CAAP1: variants seen among roughly 807,000 people sequenced by gnomAD.
CAAP1 encodes caspase activity and apoptosis inhibitor 1, also known as conserved anti-apoptotic protein.
A neutral mutation model predicts 34.0 loss-of-function variants in CAAP1; 20 were observed. That is an observed-to-expected ratio of 0.59 (90% CI 0.41 to 0.86). CAAP1 has a LOEUF of 0.86. Among genes scored for constraint, CAAP1 ranks in the 40% least tolerant of loss-of-function variants. The probability of loss-of-function intolerance (pLI) is 0.00; values close to 1 mark genes in which losing one functional copy is unlikely to be tolerated. For missense variants in CAAP1, 538 were observed against 450.5 expected (o/e 1.19, Z -1.76); for synonymous variants, 213 against 166.7 (o/e 1.28, Z -2.14).
chr9:26,850,211 T>C (rs1822714037), intron 5 of CAAP1, among the ~76,000 whole-genome samples: 1 of 152,246 alleles, frequency 6.6e-6, no homozygotes. Flanking sequence ...ACATTACCTG[T>C]TATATTTCTT....
chr9:26,847,733 GT>G (rs939187928), intron 5 of CAAP1, among the ~76,000 whole-genome samples: 33 of 148,394 alleles, frequency 2.2e-4, no homozygotes, highest in African/African-American at 4.7e-4. Context: ...TATTTATGGT[GT>G]TTTTTTTTCT....
At chr9:26,868,644 T>G (rs1183559374) in intron 4 of CAAP1, among the ~76,000 whole-genome samples, 2 of 152,158 alleles carry the variant, frequency 1.3e-5, no homozygotes, top group Non-Finnish European at 2.9e-5. Flanking sequence ...TTTTAAAAAG[T>G]TAATAAATCC....
At chr9:26,851,813 G>C (rs1030657079) in intron 5 of CAAP1, among the ~76,000 whole-genome samples, 1 of 152,072 alleles carries the variant, frequency 6.6e-6, no homozygotes, top group African/African-American at 2.4e-5. Flanking sequence ...TCCCCCTCAA[G>C]ATTTCTTGGA....
In CAAP1 at chr9:26,842,147, AAAAG is replaced by A; in HGVS notation, c.*150_*153del. ...TAATATAAAAGTAGTCAAAAAAATA[AAAAG>A]AAACAGCCACAGGTAATTTAGGGCT... On this transcript the variant is annotated 3_prime_UTR_variant, in exon 6 of 6. Coordinates refer to ENST00000333916, the MANE Select transcript of CAAP1 (RefSeq NM_024828.4). 1 of 582,996 alleles carries A rather than the reference AAAAG, an allele frequency of 1.7e-6. No homozygotes were observed. The allele number at this position is 582,996 out of a possible 1,614,324, so 36.1% of individuals were successfully genotyped here.
Position 26,859,941 on chromosome 9 carries a change from CT to C in CAAP1, c.739+1124del, listed in dbSNP as rs1253015031. Among the ~76,000 whole-genome samples, 12 of 152,218 alleles carry C rather than the reference CT, an allele frequency of 7.9e-5. No homozygotes were observed. The East Asian group carries it at 2.1e-3, about 27-fold the overall frequency. On this transcript the variant is annotated intron_variant, in intron 5 of 5. Coordinates refer to ENST00000333916, the MANE Select transcript of CAAP1 (RefSeq NM_024828.4). ...CAAATCACTAAATTCGCTGTCTAAC[CT>C]TTTTTTCCACTTTTTAAATTAAGCA...
chr9:26,881,669 G>T (rs1289847663), intron 4 of CAAP1, among the ~76,000 whole-genome samples: 1 of 152,178 alleles, frequency 6.6e-6, no homozygotes, highest in Non-Finnish European at 1.5e-5. Context: ...TTAGCAGTGT[G>T]AAAACAGACT....
rs549308597 is a variant in CAAP1 at position 26,880,834 on chromosome 9, C to T, written c.665+3976G>A. Among the ~76,000 whole-genome samples, 10 of 152,204 alleles carry T rather than the reference C, an allele frequency of 6.6e-5. No homozygotes were observed. The East Asian group carries it at 1.9e-3, about 29-fold the overall frequency. On this transcript the variant is annotated intron_variant, in intron 4 of 5. Transcript: ENST00000333916. ...GGGATTACAGGCACACATCACCATG[C>T]CTGGCTAATTTTTGTATTTTTAGTG... is the stretch of plus-strand genomic sequence containing the variant.
intron 5 of CAAP1, among the ~76,000 whole-genome samples, chr9:26,848,648 G>A (rs572721126): frequency 2.0e-5 from 3 of 152,294 alleles, no homozygotes; most frequent in South Asian, 2.1e-4. Context: ...CAGCTCTCAC[G>A]CACTGAGGTT....
At chr9:26,892,357 G>T (rs749096662) in intron 1 of CAAP1, 56 bp downstream of exon 1, 3 of 1,588,298 alleles carry the variant, frequency 1.9e-6, no homozygotes, top group South Asian at 2.3e-5. Context: ...CTGGAAGCCC[G>T]ACTTCTTCCG....
intron 5 of CAAP1, among the ~76,000 whole-genome samples, chr9:26,847,267 T>C (rs1428607524): frequency 1.6e-5 from 2 of 124,154 alleles, no homozygotes; most frequent in Non-Finnish European, 3.2e-5. Flanking sequence ...CAGGCTGGAG[T>C]GCAGTGGCGC....
chr9:26,884,075 T>C (rs1173412998), intron 4 of CAAP1, among the ~76,000 whole-genome samples: 1 of 152,212 alleles, frequency 6.6e-6, no homozygotes. Context: ...TTTTCTTTTA[T>C]ACTTTATCTT....
intron 1 of CAAP1, among the ~76,000 whole-genome samples, 158 bp from the exon 2 acceptor site, chr9:26,887,671 GTTTA>G (rs1453821987): frequency 6.6e-6 from 1 of 152,102 alleles, no homozygotes; most frequent in Non-Finnish European, 1.5e-5. Flanking sequence ...GAGAATATCT[GTTTA>G]ATATTACTTG....
intron 5 of CAAP1, among the ~76,000 whole-genome samples, chr9:26,845,111 T>C (rs1014371834): frequency 1.3e-5 from 2 of 152,230 alleles, no homozygotes; most frequent in African/African-American, 4.8e-5. Flanking sequence ...TTATCCTGTT[T>C]TATTTTTCTT....
intron 4 of CAAP1, among the ~76,000 whole-genome samples, chr9:26,878,187 A>AT (rs1823493076): frequency 6.6e-6 from 1 of 152,256 alleles, no homozygotes; most frequent in East Asian, 1.9e-4. Context: ...GCTGCACTTG[A>AT]TTTTTTATAA....
chr9:26,876,154 G>C (rs1823422492), intron 4 of CAAP1, among the ~76,000 whole-genome samples: 1 of 152,148 alleles, frequency 6.6e-6, no homozygotes, highest in African/African-American at 2.4e-5. Flanking sequence ...GTCTTTTCCA[G>C]CTTCTAAAAG....
Position 26,886,199 on chromosome 9 carries a change from T to A in CAAP1, c.505-11A>T. 7.1e-7 allele frequency: 1 copy of A among 1,399,158 alleles called. No homozygotes were observed. Among genetic ancestry groups the A allele is most frequent in the South Asian group, 1.7e-5 (1 of 57,408 alleles). The allele number at this position is 1,399,158 out of a possible 1,614,324, so 86.7% of individuals were successfully genotyped here. ...TTCTATTGAACAGTTCTAAAGGAAA[T>A]GACATTTTAAAAAAATGCATTTATG... On this transcript the variant is annotated splice_polypyrimidine_tract_variant and intron_variant, in intron 2 of 5. Coordinates refer to ENST00000333916, the MANE Select transcript of CAAP1 (RefSeq NM_024828.4).
chr9:26,862,539 T>TA (rs1823026216), intron 4 of CAAP1, among the ~76,000 whole-genome samples: 1 of 152,106 alleles, frequency 6.6e-6, no homozygotes, highest in Non-Finnish European at 1.5e-5. Context: ...ATATAACCTG[T>TA]ATTATGAAGA....
At chr9:26,851,624 T>C (rs1007898273) in intron 5 of CAAP1, among the ~76,000 whole-genome samples, 2 of 152,174 alleles carry the variant, frequency 1.3e-5, no homozygotes, top group Non-Finnish European at 2.9e-5. Context: ...TGTTGAGTAA[T>C]CTGAAAGTAA....
chr9:26,868,167 T>C (rs928104618), intron 4 of CAAP1, among the ~76,000 whole-genome samples: 2 of 152,226 alleles, frequency 1.3e-5, no homozygotes, highest in Non-Finnish European at 2.9e-5. Flanking sequence ...CCCCCAAATA[T>C]GCCCACATTC....
Sources: gnomAD v4.1 joint callset for allele counts (sites outside exome capture counted in the v4.1 genomes callset) on GRCh38, gnomAD v4.1.1 for gene constraint, MANE v1.5 for transcripts, NCBI Gene and HGNC (gene_info 2026-07-23, HGNC 2026-07-21) for gene names.